ZBBX: variants seen among roughly 807,000 people sequenced by gnomAD.
ZBBX encodes the protein zinc finger B-box domain-containing protein 1.
ZBBX carries 101 observed loss-of-function variants against 108.5 expected under a neutral mutation model. The observed-to-expected ratio is 0.93, with a 90% CI of 0.79 to 1.10. The LOEUF is 1.10. ZBBX is among the 50% of genes least tolerant of loss of function. The probability of loss-of-function intolerance (pLI) is 0.00; values close to 1 mark genes in which losing one functional copy is unlikely to be tolerated. For missense variants in ZBBX, 1,009 were observed against 941.4 expected (o/e 1.07, Z -0.94); for synonymous variants, 356 against 323.4 (o/e 1.10, Z -1.08).
the ZBBX span, among the ~76,000 whole-genome samples, chr3:167,190,492 C>T: frequency 6.6e-6 from 1 of 151,550 alleles, no homozygotes; most frequent in Non-Finnish European, 1.5e-5. Flanking sequence ...GCCATTCTCC[C>T]GCCTCATTCT....
chr3:167,230,021 A>T, the ZBBX span, among the ~76,000 whole-genome samples: 1 of 151,834 alleles, frequency 6.6e-6, no homozygotes, highest in African/African-American at 2.4e-5. Context: ...GCAAGTATGA[A>T]ATCTGGAATT....
chr3:167,193,633 T>C, the ZBBX span, among the ~76,000 whole-genome samples: 4 of 152,262 alleles, frequency 2.6e-5, no homozygotes, highest in South Asian at 8.3e-4. Context: ...ACCATTTTGG[T>C]GGTTCTCCCA....
At chr3:167,202,160 T>C in the ZBBX span, among the ~76,000 whole-genome samples, 9 of 152,074 alleles carry the variant, frequency 5.9e-5, no homozygotes, top group Non-Finnish European at 1.2e-4. Context: ...TCACACAGAC[T>C]CTTAGTGAGA....
At chr3:167,311,086 G>A (rs922490868) in intron 16 of ZBBX, among the ~76,000 whole-genome samples, 15 of 152,146 alleles carry the variant, frequency 9.9e-5, no homozygotes, top group Non-Finnish European at 1.5e-4. Context: ...AAGAGAGTGT[G>A]TGGTATTGGA....
At chr3:167,358,107 T>C (rs1369906342) in intron 8 of ZBBX, among the ~76,000 whole-genome samples, 1 of 151,816 alleles carries the variant, frequency 6.6e-6, no homozygotes, top group Non-Finnish European at 1.5e-5. Context: ...GCATGGCACA[T>C]GTATACATAT....
At chr3:167,314,696 C>T (rs1735145968) in intron 15 of ZBBX, among the ~76,000 whole-genome samples, 1 of 152,118 alleles carries the variant, frequency 6.6e-6, no homozygotes, top group African/African-American at 2.4e-5. Flanking sequence ...AAAAGGCCCT[C>T]TTGTGTCACT....
chr3:167,252,414 G>T (rs1722774782), intron 20 of ZBBX, among the ~76,000 whole-genome samples: 1 of 152,104 alleles, frequency 6.6e-6, no homozygotes, highest in Non-Finnish European at 1.5e-5. Context: ...CGCAAAACAG[G>T]GTAAAAAGGC....
chr3:167,240,925 A>T lies in ZBBX; in HGVS notation c.2394-6T>A, dbSNP rs375402976. The T allele has an allele frequency of 6.2e-7, 1 of 1,612,254 alleles. No individual in the cohort carries two copies. Among genetic ancestry groups the T allele is most frequent in the Non-Finnish European group, 8.5e-7 (1 of 1,179,062 alleles). ...TGGTATCTCTTCCAGAACAGCTGAAAATACATAACAAGATCAATACACAAT... is the reference window on the plus strand; with the variant it reads ...TGGTATCTCTTCCAGAACAGCTGAATATACATAACAAGATCAATACACAAT... On this transcript the variant is annotated splice_region_variant and splice_polypyrimidine_tract_variant and intron_variant, in intron 21 of 21. Transcript: ENST00000675490.
rs187952359 is a variant in ZBBX at position 167,285,454 on chromosome 3, A to G, written c.1997-2959T>C. Among the ~76,000 whole-genome samples, 489 of 152,106 alleles carry G rather than the reference A, an allele frequency of 3.2e-3. 4 individuals are homozygous for G. The highest frequency in any genetic ancestry group is 6.3e-3 in the Admixed American group (97 of 15,284). On this transcript the variant is annotated intron_variant, in intron 19 of 21. Coordinates refer to ENST00000675490, the MANE Select transcript of ZBBX (RefSeq NM_001199201.2). The stretch of plus-strand genomic sequence containing the variant: ...TCACTGTATCAACTGCTGAGAATTT[A>G]TACATAAAAAGAATTCTTAGAAATG...
intron 1 of ZBBX, among the ~76,000 whole-genome samples, chr3:167,406,268 G>T (rs9845023): frequency 0.14 from 21,356 of 152,122 alleles, 1,627 homozygotes; most frequent in East Asian, 0.29. Flanking sequence ...AGGCAATTTG[G>T]ACAAAAGCCT....
the ZBBX span, among the ~76,000 whole-genome samples, chr3:167,187,782 G>A: frequency 6.6e-6 from 1 of 152,270 alleles, no homozygotes; most frequent in African/African-American, 2.4e-5. Flanking sequence ...GGTACAAAAT[G>A]AATGTTGGAG....
chr3:167,314,250 T>C (rs1463072972), intron 15 of ZBBX, 134 bp from the exon 16 acceptor site: 5 of 672,944 alleles, frequency 7.4e-6, no homozygotes, highest in Non-Finnish European at 1.1e-5. Flanking sequence ...TTAATATTTA[T>C]TTTAACCTTA....
chr3:167,272,509 G>A (rs1292539275), intron 20 of ZBBX, among the ~76,000 whole-genome samples: 2 of 152,140 alleles, frequency 1.3e-5, no homozygotes, highest in East Asian at 3.9e-4. Flanking sequence ...AGTCAAGAAA[G>A]CACCGTCCAC....
At chr3:167,279,244 C>A (rs528191789) in intron 20 of ZBBX, among the ~76,000 whole-genome samples, 5 of 152,172 alleles carry the variant, frequency 3.3e-5, no homozygotes, top group African/African-American at 1.2e-4. Context: ...AAGTCCTGGC[C>A]AGGGCAATTA....
chr3:167,341,585 T>C (rs1740540459), intron 9 of ZBBX, among the ~76,000 whole-genome samples: 1 of 151,862 alleles, frequency 6.6e-6, no homozygotes, highest in Non-Finnish European at 1.5e-5. Flanking sequence ...ATCTCAAAAG[T>C]GAGACAGAAT....
intron 18 of ZBBX, among the ~76,000 whole-genome samples, chr3:167,293,932 G>A (rs776859403): frequency 4.6e-5 from 7 of 151,994 alleles, no homozygotes; most frequent in African/African-American, 7.2e-5. Flanking sequence ...TAAAGAGTGA[G>A]CTCCCATTCA....
At chr3:167,301,682 G>A (rs1476610194) in intron 17 of ZBBX, among the ~76,000 whole-genome samples, 1 of 152,050 alleles carries the variant, frequency 6.6e-6, no homozygotes, top group Non-Finnish European at 1.5e-5. Context: ...ATTTGGACGG[G>A]CGCAGTGGCT....
chr3:167,337,324 C>G (rs1265825873), intron 9 of ZBBX, among the ~76,000 whole-genome samples: 1 of 152,010 alleles, frequency 6.6e-6, no homozygotes, highest in South Asian at 2.1e-4. Context: ...TCAAGACCAA[C>G]CTGGCTAAAA....
the ZBBX span, among the ~76,000 whole-genome samples, chr3:167,215,827 AC>A: frequency 6.6e-6 from 1 of 152,192 alleles, no homozygotes; most frequent in Non-Finnish European, 1.5e-5. Flanking sequence ...GTTTCAACAT[AC>A]AAAAATCAAT....
Sources: allele counts gnomAD v4.1 joint callset (sites outside exome capture counted in the v4.1 genomes callset), GRCh38; gene constraint gnomAD v4.1.1; transcripts MANE v1.5; gene names NCBI Gene and HGNC (gene_info 2026-07-23, HGNC 2026-07-21).